MAML2: variants seen among roughly 807,000 people sequenced by gnomAD.
MAML2 encodes mastermind-like protein 2.
Under a neutral mutation model 96.1 loss-of-function variants are expected in MAML2, and 22 were observed. The observed-to-expected ratio is 0.23, with a 90% CI of 0.16 to 0.33. The LOEUF (loss-of-function observed/expected upper bound fraction) is 0.33. Among genes scored for constraint, MAML2 ranks in the 10% least tolerant of loss-of-function variants. The pLI is 1.00. For missense variants in MAML2, 1,367 were observed against 1,392.4 expected, an observed-to-expected ratio of 0.98 and a Z score of 0.29; for synonymous variants, 561 against 521.3, an observed-to-expected ratio of 1.08 and a Z score of -1.04.
intron 1 of MAML2, among the ~76,000 whole-genome samples, chr11:96,276,735 CAG>C (rs1352662832): frequency 7.1e-6 from 1 of 140,180 alleles, no homozygotes; most frequent in African/African-American, 2.7e-5. Context: ...TACTAAAAAA[CAG>C]AAGAGGAAAA....
chr11:95,979,674 C>T lies in MAML2; in HGVS notation c.2745G>A (p.Gly915=). The T allele has an allele frequency of 1.2e-6, 2 of 1,613,844 alleles. No homozygotes were observed. Among genetic ancestry groups the T allele is most frequent in the Non-Finnish European group, 1.7e-6 (2 of 1,179,868 alleles). The change falls in exon 5 of 5, where the codon GGG becomes GGA. Residue 915 remains glycine, a synonymous_variant. Coordinates refer to ENST00000524717, the MANE Select transcript of MAML2 (RefSeq NM_032427.4). The part of the protein sequence containing the change: ...NPMMPRPPTL[G]PSNNNNVATF... ...TGGCTACATTGTTATTATTACTTGG[C>T]CCTAAGGTAGGTGGCCGTGGCATCA...
At chr11:96,224,866 GT>G (rs992174929) in intron 1 of MAML2, among the ~76,000 whole-genome samples, 1 of 151,998 alleles carries the variant, frequency 6.6e-6, no homozygotes, top group African/African-American at 2.4e-5. Context: ...GGTGATTCTT[GT>G]TTTCATGGTT....
intron 1 of MAML2, among the ~76,000 whole-genome samples, chr11:96,228,102 A>G (rs899069011): frequency 2.0e-5 from 3 of 152,144 alleles, no homozygotes; most frequent in African/African-American, 4.8e-5. Context: ...GAACACTACA[A>G]ACTCAATTCT....
At chr11:96,325,965 GA>G (rs1863770223) in intron 1 of MAML2, among the ~76,000 whole-genome samples, 1 of 152,082 alleles carries the variant, frequency 6.6e-6, no homozygotes, top group Non-Finnish European at 1.5e-5. Flanking sequence ...GAGTTTCCCA[GA>G]TTTGCTTTCT....
chr11:96,023,715 G>A (rs950260998), intron 2 of MAML2, among the ~76,000 whole-genome samples: 3 of 152,190 alleles, frequency 2.0e-5, no homozygotes, highest in Admixed American at 2.0e-4. Flanking sequence ...CCACCTAATG[G>A]CTTTTCCTAT....
chr11:96,316,293 A>G (rs904617761), intron 1 of MAML2, among the ~76,000 whole-genome samples: 4 of 152,226 alleles, frequency 2.6e-5, no homozygotes, highest in African/African-American at 9.6e-5. Context: ...GAAAAAGGCA[A>G]TAAAATGGAG....
chr11:96,121,779 G>GTTTTTTTTT (rs1405872923), intron 1 of MAML2, among the ~76,000 whole-genome samples: 3 of 40,814 alleles, frequency 7.4e-5, no homozygotes, highest in African/African-American at 2.2e-4. Flanking sequence ...CCAACTGCGT[G>GTTTTTTTTT]ATTTTTTTTT....
intron 1 of MAML2, among the ~76,000 whole-genome samples, chr11:96,114,088 G>A (rs980958468): frequency 6.6e-6 from 1 of 151,786 alleles, no homozygotes; most frequent in Non-Finnish European, 1.5e-5. Flanking sequence ...TCTTTAATTT[G>A]TTAAATTTTT....
At chr11:96,339,596 C>T (rs1863964572) in intron 1 of MAML2, among the ~76,000 whole-genome samples, 1 of 152,194 alleles carries the variant, frequency 6.6e-6, no homozygotes, top group East Asian at 1.9e-4. Flanking sequence ...CAGGGTTGGG[C>T]CGGGTGCCTC....
intron 1 of MAML2, among the ~76,000 whole-genome samples, chr11:96,240,577 A>AAAAAG (rs2135960370): frequency 6.7e-6 from 1 of 148,420 alleles, no homozygotes; most frequent in Non-Finnish European, 1.5e-5. Context: ...AAAAAAAAAA[A>AAAAAG]AAAAAAGAAA....
chr11:96,005,257 TTTTAC>T (rs551808397), intron 2 of MAML2, among the ~76,000 whole-genome samples: 82 of 142,352 alleles, frequency 5.8e-4, no homozygotes, highest in African/African-American at 2.1e-3. Flanking sequence ...CTCTGACAAT[TTTTAC>T]TTCTTATCAC....
intron 1 of MAML2, among the ~76,000 whole-genome samples, chr11:96,244,560 TTATTA>T (rs1422477863): frequency 6.6e-6 from 1 of 152,262 alleles, no homozygotes; most frequent in Non-Finnish European, 1.5e-5. Context: ...GATTATTGTT[TTATTA>T]TATTAATAAT....
intron 1 of MAML2, among the ~76,000 whole-genome samples, chr11:96,106,467 A>G (rs1383336799): frequency 1.3e-5 from 2 of 152,232 alleles, no homozygotes; most frequent in African/African-American, 4.8e-5. Flanking sequence ...GAGACAGCAG[A>G]GTACACTAAC....
intron 1 of MAML2, among the ~76,000 whole-genome samples, chr11:96,137,176 T>A (rs557987734): frequency 1.6e-4 from 25 of 152,260 alleles, no homozygotes; most frequent in African/African-American, 5.3e-4. Context: ...GCACTTAATA[T>A]CATAGAAATC....
intron 1 of MAML2, among the ~76,000 whole-genome samples, chr11:96,259,661 T>C (rs1480713459): frequency 6.6e-6 from 1 of 152,228 alleles, no homozygotes; most frequent in African/African-American, 2.4e-5. Flanking sequence ...ACTCATAGGA[T>C]TCCTCCAACA....
intron 1 of MAML2, among the ~76,000 whole-genome samples, chr11:96,094,173 C>T (rs1231270202): frequency 6.6e-6 from 1 of 152,224 alleles, no homozygotes; most frequent in Non-Finnish European, 1.5e-5. Flanking sequence ...ATGAGATGAT[C>T]ATTCCTCATA....
intron 1 of MAML2, among the ~76,000 whole-genome samples, chr11:96,153,191 A>G (rs1406618769): frequency 1.3e-5 from 2 of 150,930 alleles, no homozygotes; most frequent in African/African-American, 4.9e-5. Context: ...TGAGGTCCCA[A>G]TTAGTCCAAA....
At chr11:95,983,804 G>A (rs1857782051) in intron 4 of MAML2, among the ~76,000 whole-genome samples, 1 of 152,102 alleles carries the variant, frequency 6.6e-6, no homozygotes, top group Non-Finnish European at 1.5e-5. Context: ...TTTAAGCTGT[G>A]TTATCACAAA....
At chr11:96,245,973 G>A (rs1221407471) in intron 1 of MAML2, among the ~76,000 whole-genome samples, 2 of 152,110 alleles carry the variant, frequency 1.3e-5, no homozygotes, top group East Asian at 3.8e-4. Context: ...AAAGTGCTGG[G>A]ATTACAGGTG....
Sources: gnomAD v4.1 joint callset for allele counts (sites outside exome capture counted in the v4.1 genomes callset) on GRCh38, gnomAD v4.1.1 for gene constraint, MANE v1.5 for transcripts, NCBI Gene and HGNC (gene_info 2026-07-23, HGNC 2026-07-21) for gene names.